The following SVOPL variants were observed in gnomAD, a reference collection of about 807,000 sequenced individuals.
The protein encoded by SVOPL is SVOP like.
A neutral mutation model predicts 61.0 loss-of-function variants in SVOPL; 60 were observed. The observed-to-expected ratio is 0.98, with a 90% CI of 0.80 to 1.22. The LOEUF (loss-of-function observed/expected upper bound fraction) is 1.22, where lower values mean the gene tolerates loss of function less well. Among genes scored for constraint, SVOPL ranks in the 50% most tolerant of loss-of-function variants. The probability of loss-of-function intolerance (pLI) is 0.00; values close to 1 mark genes in which losing one functional copy is unlikely to be tolerated. For missense variants in SVOPL, 662 were observed against 643.9 expected, an observed-to-expected ratio of 1.03 and a Z score of -0.30; for synonymous variants, 279 against 250.0, an observed-to-expected ratio of 1.12 and a Z score of -1.09.
intron 10 of SVOPL, among the ~76,000 whole-genome samples, chr7:138,629,680 G>A (rs189384168): frequency 6.6e-6 from 1 of 152,200 alleles, no homozygotes; most frequent in African/African-American, 2.4e-5. Flanking sequence ...GCAGAGAAAT[G>A]AATCACAGAG....
rs116392377 is a variant in SVOPL, at chr7:138,597,392, C to T, written c.1354-862G>A. On this transcript the variant is annotated intron_variant, in intron 14 of 15. Transcript: ENST00000674285. Reference sequence around the variant, plus strand: ...GTCCAAAGTCACATACAGATCCTGACACACAGCCTAGTGTTACCACCACCA... The same window carrying T: ...GTCCAAAGTCACATACAGATCCTGATACACAGCCTAGTGTTACCACCACCA... The T allele has an allele frequency of 6.0e-3, 2,069 of 342,868 alleles. 42 individuals are homozygous for T. Among genetic ancestry groups the T allele is most frequent in the South Asian group, 0.039 (1,151 of 29,510 alleles). The allele number at this position is 342,868 out of a possible 1,614,324, so 21.2% of individuals were successfully genotyped here. A position where few individuals can be genotyped will look rare whatever the true frequency, so the allele number is the denominator to read the frequency against.
chr7:138,613,674 T>G (rs771629429), intron 14 of SVOPL, among the ~76,000 whole-genome samples: 1 of 152,150 alleles, frequency 6.6e-6, no homozygotes, highest in Non-Finnish European at 1.5e-5. Context: ...CCATAGTACC[T>G]CCAAAGCACT....
At chr7:138,643,441 A>AAT (rs1172181410) in intron 9 of SVOPL, among the ~76,000 whole-genome samples, 4 of 150,812 alleles carry the variant, frequency 2.7e-5, no homozygotes, top group Non-Finnish European at 5.9e-5. Flanking sequence ...AAAAAAAAAA[A>AAT]AGAAAGTGAG....
intron 5 of SVOPL, 164 bp downstream of exon 5, chr7:138,662,910 G>A: frequency 1.4e-6 from 2 of 1,449,344 alleles, no homozygotes; most frequent in Non-Finnish European, 1.8e-6. Context: ...TGAGAAAAAT[G>A]TCCAGAAGAT....
intron 4 of SVOPL, among the ~76,000 whole-genome samples, chr7:138,670,406 C>T (rs529277318): frequency 3.9e-4 from 60 of 152,272 alleles, no homozygotes; most frequent in African/African-American, 1.4e-3. Context: ...AATAACATCA[C>T]TATTGTAGAA....
At chr7:138,620,011 CT>C (rs1329264512) in intron 14 of SVOPL, among the ~76,000 whole-genome samples, 1 of 151,932 alleles carries the variant, frequency 6.6e-6, no homozygotes, top group Non-Finnish European at 1.5e-5. Context: ...GCCTGGGCCC[CT>C]GTCAGTGCCC....
rs1443659501 is a variant in SVOPL, at chr7:138,621,149, C to A, written c.1264-14G>T. 1.9e-6 allele frequency: 3 copies of A among 1,610,080 alleles called. No individual in the cohort carries two copies. In the African/African-American group the frequency reaches 4.0e-5, roughly 21 times the overall value. On this transcript the variant is annotated splice_polypyrimidine_tract_variant and intron_variant, in intron 13 of 15. Transcript: ENST00000674285. Reference sequence around the variant, plus strand: ...GGTGGGGTAGACCTGCAGGGAGAGGCACGGAAAGTACCAGTCAGATAATGT... The same window carrying A: ...GGTGGGGTAGACCTGCAGGGAGAGGAACGGAAAGTACCAGTCAGATAATGT...
rs974761697 is a variant in SVOPL at position 138,686,201 on chromosome 7, G to A, written c.-34-7122C>T. ...GTGGATGGCCTGAGGTCAGGAGTTC[G>A]AGACCAGCCTGGCCAACCTGGTGAA... On this transcript the variant is annotated intron_variant, in intron 1 of 15. Transcript: ENST00000674285. Among the ~76,000 whole-genome samples, 13 of 152,054 alleles carry A rather than the reference G, an allele frequency of 8.5e-5. No homozygotes were observed. In the East Asian group the frequency reaches 2.5e-3, roughly 30 times the overall value.
intron 14 of SVOPL, among the ~76,000 whole-genome samples, chr7:138,608,126 A>G (rs904926168): frequency 6.6e-6 from 1 of 152,236 alleles, no homozygotes; most frequent in Non-Finnish European, 1.5e-5. Context: ...AAGATTGGAC[A>G]AAGAAAGAGA....
intron 13 of SVOPL, among the ~76,000 whole-genome samples, chr7:138,623,653 G>T (rs1799771778): frequency 6.6e-6 from 1 of 152,058 alleles, no homozygotes; most frequent in African/African-American, 2.4e-5. Context: ...CTCAAAATGA[G>T]CAAATTCCAC....
At chr7:138,697,993 G>C (rs1803108323) in intron 1 of SVOPL, among the ~76,000 whole-genome samples, 1 of 150,992 alleles carries the variant, frequency 6.6e-6, no homozygotes, top group Admixed American at 6.6e-5. Flanking sequence ...AAAGGACAGA[G>C]GAAGGGAGGA....
intron 14 of SVOPL, among the ~76,000 whole-genome samples, chr7:138,614,979 T>C (rs1485076115): frequency 2.0e-5 from 3 of 152,082 alleles, no homozygotes; most frequent in African/African-American, 7.2e-5. Flanking sequence ...ATTACCCAAA[T>C]CACAGCCGCA....
At chr7:138,621,801 T>C (rs1201730837) in intron 13 of SVOPL, among the ~76,000 whole-genome samples, 1 of 148,752 alleles carries the variant, frequency 6.7e-6, no homozygotes, top group Non-Finnish European at 1.5e-5. Flanking sequence ...TATCTATCTA[T>C]GTATCTATCT....
At position 138,615,707 on chromosome 7, in the gene SVOPL, ACTGT is replaced by A. The variant is rs1799264426; in HGVS notation, c.1353+5335_1353+5338del. ...CTACTTGGAAGGCTGAGGCAGGAGA[ACTGT>A]TTGAACCTGGGAGGCGGAGGTTGCA... On this transcript the variant is annotated intron_variant, in intron 14 of 15. Coordinates refer to ENST00000674285, the MANE Select transcript of SVOPL (RefSeq NM_001139456.2). Among the ~76,000 whole-genome samples, 2 of 94,354 alleles carry A rather than the reference ACTGT, an allele frequency of 2.1e-5. 1 individual carries two copies. Among genetic ancestry groups the A allele is most frequent in the Non-Finnish European group, 4.9e-5 (2 of 40,736 alleles). The allele number at this position is 94,354 out of a possible 152,430, so 61.9% of individuals were successfully genotyped here.
chr7:138,676,408 G>C (rs142215969), intron 3 of SVOPL, among the ~76,000 whole-genome samples: 1 of 152,186 alleles, frequency 6.6e-6, no homozygotes, highest in Non-Finnish European at 1.5e-5. Flanking sequence ...TCTGCTGCCC[G>C]GAGAGGACCT....
chr7:138,650,347 G>A (rs535941012), intron 7 of SVOPL, among the ~76,000 whole-genome samples: 1 of 152,156 alleles, frequency 6.6e-6, no homozygotes, highest in Middle Eastern at 3.4e-3. Flanking sequence ...AGATCACTGA[G>A]GGGAAAGTGT....
intron 1 of SVOPL, among the ~76,000 whole-genome samples, chr7:138,697,111 C>T (rs866948291): frequency 4.3e-4 from 66 of 152,232 alleles, no homozygotes; most frequent in African/African-American, 1.5e-3. Flanking sequence ...TGGTGCATAC[C>T]TGTAATCCCA....
At chr7:138,630,248 G>A in intron 9 of SVOPL, 126 bp from the exon 10 acceptor site, 1 of 721,110 alleles carries the variant, frequency 1.4e-6, no homozygotes, top group East Asian at 2.6e-5. Flanking sequence ...TAACCACTCA[G>A]CTCCTATGAG....
chr7:138,651,890 A>G (rs1801454634), intron 7 of SVOPL, among the ~76,000 whole-genome samples: 1 of 152,142 alleles, frequency 6.6e-6, no homozygotes, highest in Non-Finnish European at 1.5e-5. Context: ...AACTGAAAGG[A>G]AAAGTTGCGC....
Sources: gnomAD v4.1 joint callset for allele counts (sites outside exome capture counted in the v4.1 genomes callset) on GRCh38, gnomAD v4.1.1 for gene constraint, MANE v1.5 for transcripts, NCBI Gene and HGNC (gene_info 2026-07-23, HGNC 2026-07-21) for gene names.